The following NCAM1 variants were observed in gnomAD, a reference collection of about 807,000 sequenced individuals.
NCAM1 encodes the protein neural cell adhesion molecule 1, also known as antigen recognized by monoclonal antibody 5.1H11.
Under a neutral mutation model 109.8 loss-of-function variants are expected in NCAM1, and 14 were observed. The ratio of observed to expected loss-of-function variants is 0.13; its 90% CI spans 0.08 to 0.20. The LOEUF is 0.20. NCAM1 is among the 10% of genes least tolerant of loss of function. The pLI, the probability that NCAM1 is intolerant of heterozygous loss-of-function variation, is 1.00. For synonymous variants in NCAM1, 418 were observed against 442.9 expected (o/e 0.94, Z 0.70); for missense variants, 774 against 1,109.9 (o/e 0.70, Z 4.30).
At chr11:112,969,826 A>G (rs1950827213) in intron 1 of NCAM1, among the ~76,000 whole-genome samples, 3 of 152,202 alleles carry the variant, frequency 2.0e-5, no homozygotes, top group African/African-American at 7.2e-5. Flanking sequence ...TGACCCTTTC[A>G]GGTGGTTGGA....
intron 17 of NCAM1, among the ~76,000 whole-genome samples, chr11:113,262,002 G>A (rs1946017031): frequency 6.6e-6 from 1 of 152,132 alleles, no homozygotes; most frequent in Admixed American, 6.5e-5. Context: ...AGAGAGGGCT[G>A]GGGGATTGCT....
At chr11:113,242,749 A>C in intron 14 of NCAM1, 1 of 1,481,530 alleles carries the variant, frequency 6.7e-7, no homozygotes, top group Non-Finnish European at 9.4e-7. Context: ...AGTTTAATTT[A>C]TCTCCATTCT....
chr11:113,016,367 G>A (rs1294282404), intron 1 of NCAM1, among the ~76,000 whole-genome samples: 1 of 152,120 alleles, frequency 6.6e-6, no homozygotes, highest in Admixed American at 6.5e-5. Flanking sequence ...TTGAATTTTG[G>A]TCTCTGCCTA....
At chr11:113,060,379 A>T (rs1202694542) in intron 1 of NCAM1, among the ~76,000 whole-genome samples, 2 of 152,222 alleles carry the variant, frequency 1.3e-5, no homozygotes, top group East Asian at 3.8e-4. Context: ...TCTTCACTTA[A>T]AAGTCCTAAT....
At chr11:113,147,229 T>C (rs1394620754) in intron 1 of NCAM1, among the ~76,000 whole-genome samples, 1 of 152,248 alleles carries the variant, frequency 6.6e-6, no homozygotes, top group African/African-American at 2.4e-5. Context: ...CTAAAGACGA[T>C]GCCAGCTTAT....
intron 1 of NCAM1, among the ~76,000 whole-genome samples, chr11:113,016,426 G>T (rs782055179): frequency 1.3e-5 from 2 of 152,162 alleles, no homozygotes; most frequent in Non-Finnish European, 2.9e-5. Flanking sequence ...TTCTGGTGCT[G>T]CTCTCATGCC....
chr11:113,032,477 G>A (rs1167428945), intron 1 of NCAM1, among the ~76,000 whole-genome samples: 6 of 152,120 alleles, frequency 3.9e-5, no homozygotes, highest in African/African-American at 1.4e-4. Context: ...CAGGAAAGAG[G>A]GAGTGGCAAG....
chr11:113,248,014 T>A (rs942800415), intron 15 of NCAM1, among the ~76,000 whole-genome samples: 1 of 152,300 alleles, frequency 6.6e-6, no homozygotes, highest in South Asian at 2.1e-4. Context: ...TTTCTTTTTT[T>A]AAAACAAGCT....
intron 1 of NCAM1, among the ~76,000 whole-genome samples, chr11:113,118,288 C>A (rs1227069224): frequency 2.0e-5 from 3 of 151,836 alleles, no homozygotes. Context: ...GGAGAGGAGT[C>A]CTGCTTCTGT....
chr11:113,126,551 A>T (rs1449489021), intron 1 of NCAM1, among the ~76,000 whole-genome samples: 1 of 152,206 alleles, frequency 6.6e-6, no homozygotes, highest in Non-Finnish European at 1.5e-5. Flanking sequence ...TTAGTCTTTA[A>T]GCAACACAAA....
chr11:112,975,137 T>G (rs1313776237), intron 1 of NCAM1, among the ~76,000 whole-genome samples: 1 of 151,950 alleles, frequency 6.6e-6, no homozygotes, highest in Non-Finnish European at 1.5e-5. Flanking sequence ...TTAAAGAGTT[T>G]TGAGGAAACT....
chr11:113,206,026 C>A lies in NCAM1; in HGVS notation c.491-17C>A. 1 of 1,613,824 alleles carries A rather than the reference C, an allele frequency of 6.2e-7. No homozygotes were observed. Among genetic ancestry groups the A allele is most frequent in the East Asian group, 2.2e-5 (1 of 44,872 alleles). ...TCTGACTGATTCTTGGATGAACCTG[C>A]CTCTTATCTCTTCTAGTCCGATTCA... On this transcript the variant is annotated splice_polypyrimidine_tract_variant and intron_variant, in intron 4 of 19. Transcript: ENST00000316851.
rs539845050 is a variant in NCAM1, at chr11:112,971,287, T to C, written c.52+9623T>C. On this transcript the variant is annotated intron_variant, in intron 1 of 19. Coordinates refer to ENST00000316851, the MANE Select transcript of NCAM1 (RefSeq NM_181351.5). ...CTCTCTCTCTGTGTAATATGTAACT[T>C]GGTTGTAATGGAAAATACATTCTTT... 4.6e-5 allele frequency among the ~76,000 whole-genome samples: 7 copies of C among 152,046 alleles called. No individual in the cohort carries two copies. In the South Asian group the frequency reaches 1.5e-3, roughly 32 times the overall value.
intron 1 of NCAM1, among the ~76,000 whole-genome samples, chr11:113,085,154 G>C (rs1424556685): frequency 6.6e-6 from 1 of 152,208 alleles, no homozygotes; most frequent in African/African-American, 2.4e-5. Context: ...CCCATAAAGG[G>C]TGTTAAAAGC....
At chr11:113,079,533 C>T (rs1012556867) in intron 1 of NCAM1, among the ~76,000 whole-genome samples, 3 of 152,146 alleles carry the variant, frequency 2.0e-5, no homozygotes, top group East Asian at 1.9e-4. Flanking sequence ...CTAAAAAGTT[C>T]GCCAAGTTTT....
chr11:113,238,657 G>A (rs569774928), intron 14 of NCAM1, among the ~76,000 whole-genome samples: 26 of 152,318 alleles, frequency 1.7e-4, no homozygotes, highest in Admixed American at 5.9e-4. Context: ...CTGAACTTAG[G>A]TAGACAGAAC....
intron 1 of NCAM1, among the ~76,000 whole-genome samples, chr11:113,072,544 G>A (rs1168323384): frequency 1.3e-5 from 2 of 152,072 alleles, no homozygotes; most frequent in Non-Finnish European, 2.9e-5. Flanking sequence ...GAATTATGTC[G>A]TTTCATAGTC....
In NCAM1 at chr11:113,276,701, C is replaced by A. The variant is rs2137828131; in HGVS notation, c.*1314C>A. 1 of 152,572 alleles carries A rather than the reference C, an allele frequency of 6.6e-6. No homozygotes were observed. The highest frequency in any genetic ancestry group is 1.5e-5 in the Non-Finnish European group (1 of 68,018). 9.5% of individuals were successfully genotyped at this position (152,572 alleles called of 1,614,324 possible). A position where few individuals can be genotyped will look rare whatever the true frequency, so the allele number is the denominator to read the frequency against. On this transcript the variant is annotated 3_prime_UTR_variant, in exon 20 of 20. Transcript: ENST00000316851. Reference sequence around the variant, plus strand: ...ATCTGTTGAAGTAAAGTAACATCGGCCTTCTGTTCACTTAGGCAGCATTTA... The same window carrying A: ...ATCTGTTGAAGTAAAGTAACATCGGACTTCTGTTCACTTAGGCAGCATTTA...
intron 1 of NCAM1, among the ~76,000 whole-genome samples, chr11:113,017,034 G>C (rs1028715114): frequency 1.3e-5 from 2 of 152,176 alleles, no homozygotes; most frequent in East Asian, 3.9e-4. Flanking sequence ...TGTTCTCAAG[G>C]TTTGGAGCAT....
Sources: allele counts gnomAD v4.1 joint callset (sites outside exome capture counted in the v4.1 genomes callset), GRCh38; gene constraint gnomAD v4.1.1; transcripts MANE v1.5; gene names NCBI Gene and HGNC (gene_info 2026-07-23, HGNC 2026-07-21).